C22orf31: variants seen among roughly 807,000 people sequenced by gnomAD.
The protein encoded by C22orf31 is chromosome 22 open reading frame 31.
In C22orf31, 11 loss-of-function variants were observed where a neutral mutation model predicts 15.0. The observed-to-expected ratio is 0.73, with a 90% CI of 0.46 to 1.21. C22orf31 has a LOEUF of 1.21. Ranked by LOEUF, C22orf31 falls within the 50% of genes most tolerant of loss-of-function variation. The pLI, the probability that C22orf31 is intolerant of heterozygous loss-of-function variation, is 0.00. For synonymous variants in C22orf31, 132 were observed against 133.3 expected (o/e 0.99, Z 0.07); for missense variants, 340 against 347.2 (o/e 0.98, Z 0.17).
In C22orf31 at chr22:29,060,394, C is replaced by G. The variant is rs747287410; in HGVS notation, c.432+21G>C. 13 of 1,594,308 alleles carry G rather than the reference C, an allele frequency of 8.2e-6. No individual in the cohort carries two copies. The Admixed American group carries it at 1.8e-4, about 21-fold the overall frequency. On this transcript the variant is annotated intron_variant, in intron 2 of 2. Transcript: ENST00000216071. ...CCTCCCCTCGCCAGTCACATTTTCC[C>G]CACCACTGGTCCTCGTCTACCTCTC...
the C22orf31 span, among the ~76,000 whole-genome samples, chr22:29,067,631 C>T: frequency 1.3e-5 from 2 of 151,938 alleles, no homozygotes; most frequent in African/African-American, 2.4e-5. Flanking sequence ...TTTAGCAGAA[C>T]TGGGGTTTTG....
the C22orf31 span, chr22:29,073,159 T>G: frequency 8.7e-7 from 1 of 1,145,870 alleles, no homozygotes. The surrounding 1 kb of genome is among the most constrained non-coding windows in gnomAD (Gnocchi z 4.4). Context: ...CGCCTCGCCC[T>G]GCTCTCCGCC....
chr22:29,066,851 G>T, the C22orf31 span, among the ~76,000 whole-genome samples: 1 of 151,910 alleles, frequency 6.6e-6, no homozygotes, highest in Admixed American at 6.6e-5. Context: ...GGGAGCCACC[G>T]CGCCCAGCCA....
chr22:29,070,584 G>T, the C22orf31 span, among the ~76,000 whole-genome samples: 1 of 152,110 alleles, frequency 6.6e-6, no homozygotes, highest in Non-Finnish European at 1.5e-5. Context: ...TCTTTCTCTG[G>T]CATCCTGCTT....
rs754960376 is a variant in C22orf31, at chr22:29,059,149, C to CTGT, written c.463_465dup (p.Thr155dup). 4.3e-6 allele frequency: 7 copies of CTGT among 1,611,496 alleles called. No homozygotes were observed. The Admixed American group carries it at 1.2e-4, about 27-fold the overall frequency. ...TATCTGTCCTCAAGATCTTGGCGGA[C>CTGT]TGTTAGTTTTTTCTCCTTTGAACTT... On this transcript the variant is annotated inframe_insertion, in exon 3 of 3. Transcript: ENST00000216071.
chr22:29,066,054 CTT>C (rs139442909), upstream of C22orf31, among the ~76,000 whole-genome samples: 1 of 148,620 alleles, frequency 6.7e-6, no homozygotes. Context: ...TTCCTTCTTC[CTT>C]TTTTTTTTGT....
the C22orf31 span, among the ~76,000 whole-genome samples, chr22:29,072,001 G>A: frequency 6.6e-6 from 1 of 152,168 alleles, no homozygotes; most frequent in Non-Finnish European, 1.5e-5. Context: ...AAGTTGCCCT[G>A]GTTGAAACTG....
In C22orf31 at chr22:29,059,115, T is replaced by C. The variant is rs2037354171; in HGVS notation, c.500A>G (p.His167Arg). 2 of 1,614,058 alleles carry C rather than the reference T, an allele frequency of 1.2e-6. No individual in the cohort carries two copies. Among genetic ancestry groups the C allele is most frequent in the Non-Finnish European group, 8.5e-7 (1 of 1,180,026 alleles). ...GGGTAGCGCTTGGGTGGCAGCCACA[T>C]GTTCAGCATATCTGTCCTCAAGATC... ...RQDLEDRYAE[H>R]VAATQALPQD... is the part of the protein sequence containing the mutation. Residue 167 changes from histidine (H) to arginine (R), a missense_variant, in exon 3 of 3, where the codon CAT (histidine) becomes CGT (arginine). By Grantham distance (29) the His-to-Arg change is conservative. Coordinates refer to ENST00000216071, the MANE Select transcript of C22orf31 (RefSeq NM_015370.2).
chr22:29,073,292 G>C, the C22orf31 span: 1 of 711,964 alleles, frequency 1.4e-6, no homozygotes, highest in Non-Finnish European at 1.9e-6. This position sits in a 1 kb window ranked among gnomAD's most constrained non-coding sequence, Gnocchi z 4.4. Flanking sequence ...GACAAGGGCC[G>C]GCCGGCCTGA....
At chr22:29,061,278 G>T (rs2037388557) in intron 1 of C22orf31, among the ~76,000 whole-genome samples, 1 of 152,064 alleles carries the variant, frequency 6.6e-6, no homozygotes, top group Non-Finnish European at 1.5e-5. Context: ...TTTTTTGTGT[G>T]TGGGGGGGAC....
chr22:29,064,675 ATTTTTTTTTTTTTTTTTTTTTTTTTTT>A (rs563569423), upstream of C22orf31, among the ~76,000 whole-genome samples: 69 of 51,326 alleles, frequency 1.3e-3, no homozygotes, highest in East Asian at 0.022. Flanking sequence ...TTGCCCAGTG[ATTTTTTTTTTTTTTTTTTTTTTTTTTT>A]TTTTTTTTTT....
chr22:29,071,161 T>TG, the C22orf31 span, among the ~76,000 whole-genome samples: 1,352 of 137,172 alleles, frequency 9.9e-3, 11 homozygotes, highest in African/African-American at 0.034. Context: ...TGGCAGGAGG[T>TG]GGGGGGGGCG....
At chr22:29,068,084 C>T in the C22orf31 span, among the ~76,000 whole-genome samples, 8 of 130,212 alleles carry the variant, frequency 6.1e-5, no homozygotes, top group South Asian at 2.5e-4. Flanking sequence ...CAAACCCCGT[C>T]TTTTTTTTTT....
At chr22:29,066,529 C>CT (rs1311739198), upstream of C22orf31, among the ~76,000 whole-genome samples, 2 of 81,646 alleles carry the variant, frequency 2.4e-5, no homozygotes, top group South Asian at 3.7e-4. Flanking sequence ...TCTTTCTTTT[C>CT]TTTTCTTTTC....
At chr22:29,062,581 T>C (rs933561965), upstream of C22orf31, among the ~76,000 whole-genome samples, 13 of 152,084 alleles carry the variant, frequency 8.5e-5, no homozygotes, top group Non-Finnish European at 1.9e-4. Flanking sequence ...CTTTTATTTG[T>C]AAAATGCCTC....
chr22:29,071,218 T>C, the C22orf31 span, among the ~76,000 whole-genome samples: 2 of 152,128 alleles, frequency 1.3e-5, no homozygotes, highest in Non-Finnish European at 2.9e-5. Context: ...TGGGTGCCCC[T>C]AAGTTCCAAT....
chr22:29,067,605 G>A, the C22orf31 span, among the ~76,000 whole-genome samples: 2 of 152,060 alleles, frequency 1.3e-5, no homozygotes, highest in South Asian at 2.1e-4. Context: ...CACCACGCCC[G>A]GCTAATTTTT....
At chr22:29,062,089 T>C (rs561746428), upstream of C22orf31, among the ~76,000 whole-genome samples, 7 of 152,274 alleles carry the variant, frequency 4.6e-5, no homozygotes, top group Non-Finnish European at 8.8e-5. Flanking sequence ...GGGAAGAAGT[T>C]CTATACGGTT....
chr22:29,066,450 T>C (rs1399838019), upstream of C22orf31, among the ~76,000 whole-genome samples: 1 of 151,542 alleles, frequency 6.6e-6, no homozygotes, highest in Non-Finnish European at 1.5e-5. Flanking sequence ...AATAATGGTG[T>C]CCTGTGTGCC....
Sources: gnomAD v4.1 joint callset for allele counts (sites outside exome capture counted in the v4.1 genomes callset) on GRCh38, gnomAD v4.1.1 for gene constraint, Gnocchi (gnomAD v3.1) non-coding constraint, MANE v1.5 for transcripts, NCBI Gene and HGNC (gene_info 2026-07-23, HGNC 2026-07-21) for gene names.